The following CELF5 variants were observed in gnomAD, a reference collection of about 807,000 sequenced individuals.
CELF5 encodes the protein CUG-BP and ETR-3 like factor 5.
Under a neutral mutation model 54.9 loss-of-function variants are expected in CELF5, and 6 were observed. The observed-to-expected ratio is 0.11, with a 90% confidence interval of 0.06 to 0.22. The LOEUF is 0.22. CELF5 is among the 10% of genes least tolerant of loss of function. CELF5 has a pLI of 1.00. For synonymous variants in CELF5, 271 were observed against 290.9 expected (o/e 0.93, Z 0.70); for missense variants, 401 against 678.6 (o/e 0.59, Z 4.54).
intron 2 of CELF5, among the ~76,000 whole-genome samples, chr19:3,271,265 C>T (rs937735674): frequency 2.0e-5 from 3 of 150,408 alleles, no homozygotes; most frequent in Admixed American, 6.6e-5. Flanking sequence ...TCCCCTGGCA[C>T]CCCCCCGCTT....
Position 3,240,344 on chromosome 19 carries a change from G to A in CELF5, c.260-10641G>A, listed in dbSNP as rs1286248445. 2.1e-5 allele frequency among the ~76,000 whole-genome samples: 3 copies of A among 145,900 alleles called. No homozygotes were observed. The East Asian group carries it at 6.2e-4, about 30-fold the overall frequency. On this transcript the variant is annotated intron_variant, in intron 1 of 12. Coordinates refer to ENST00000292672, the MANE Select transcript of CELF5 (RefSeq NM_021938.4). The stretch of plus-strand genomic sequence containing the variant: ...TCTTTTTCTTTCTTTCTTTTTTTTT[G>A]AGATGGGGTCTCACTCTGTCATCCA...
intron 1 of CELF5, among the ~76,000 whole-genome samples, chr19:3,248,931 CT>C (rs1328385176): frequency 1.8e-4 from 21 of 116,258 alleles, no homozygotes; most frequent in African/African-American, 5.9e-4. Flanking sequence ...TCTTTCTTTT[CT>C]TTTCTTTTCT....
intron 1 of CELF5, among the ~76,000 whole-genome samples, chr19:3,245,676 G>C (rs1053130514): frequency 2.0e-5 from 3 of 151,986 alleles, no homozygotes; most frequent in African/African-American, 7.3e-5. Flanking sequence ...CAGGCCTTAG[G>C]GCTCGTTGTC....
At chr19:3,242,850 G>T (rs188792578) in intron 1 of CELF5, among the ~76,000 whole-genome samples, 4 of 152,200 alleles carry the variant, frequency 2.6e-5, no homozygotes, top group African/African-American at 9.6e-5. Context: ...TGTAATCCCA[G>T]CTACTCAGGA....
At chr19:3,258,760 T>TG (rs1365230376) in intron 2 of CELF5, among the ~76,000 whole-genome samples, 1 of 151,852 alleles carries the variant, frequency 6.6e-6, no homozygotes, top group Non-Finnish European at 1.5e-5. Flanking sequence ...TACAGGCACA[T>TG]GCCACCACGC....
chr19:3,231,709 T>A lies in CELF5; in HGVS notation c.259+6711T>A, dbSNP rs575312201. Among the ~76,000 whole-genome samples, 4 of 124,354 alleles carry A rather than the reference T, an allele frequency of 3.2e-5. No individual in the cohort carries two copies. The East Asian group carries it at 7.7e-4, about 24-fold the overall frequency. The allele number at this position is 124,354 out of a possible 152,430, so 81.6% of individuals were successfully genotyped here. A position where few individuals can be genotyped will look rare whatever the true frequency, so the allele number is the denominator to read the frequency against. On this transcript the variant is annotated intron_variant, in intron 1 of 12. Coordinates refer to ENST00000292672, the MANE Select transcript of CELF5 (RefSeq NM_021938.4). ...GTGGATGGATGGATGGATGGGCGGA[T>A]GAATAGATTGGTGGATGATGGGGGA... is the stretch of plus-strand genomic sequence containing the variant.
At chr19:3,286,275 C>T in intron 10 of CELF5, 1 of 462,914 alleles carries the variant, frequency 2.2e-6, no homozygotes, top group South Asian at 3.9e-5. Flanking sequence ...TCCTACCAGC[C>T]CTCTCCAGAA....
At chr19:3,255,687 A>G (rs2079714846) in intron 2 of CELF5, among the ~76,000 whole-genome samples, 1 of 152,160 alleles carries the variant, frequency 6.6e-6, no homozygotes, top group Admixed American at 6.6e-5. Flanking sequence ...TTCAACAAGC[A>G]TCTTTCCCCT....
At chr19:3,227,148 G>A (rs544304266) in intron 1 of CELF5, among the ~76,000 whole-genome samples, 2 of 152,138 alleles carry the variant, frequency 1.3e-5, no homozygotes, top group South Asian at 4.1e-4. Context: ...CCCCACCTGC[G>A]TGGGGCCTGG....
At chr19:3,232,418 A>C (rs919981710) in intron 1 of CELF5, among the ~76,000 whole-genome samples, 1 of 151,448 alleles carries the variant, frequency 6.6e-6, no homozygotes, top group Non-Finnish European at 1.5e-5. Flanking sequence ...GTGGTGTGCA[A>C]CTGTAGTCCC....
intron 2 of CELF5, among the ~76,000 whole-genome samples, chr19:3,253,108 AAAAAG>A (rs1255395203): frequency 6.6e-6 from 1 of 152,068 alleles, no homozygotes; most frequent in African/African-American, 2.4e-5. Flanking sequence ...CATTAAAAAA[AAAAAG>A]AAAGAAAGAA....
intron 1 of CELF5, among the ~76,000 whole-genome samples, chr19:3,242,796 A>C (rs528990740): frequency 2.7e-4 from 41 of 151,738 alleles, no homozygotes; most frequent in African/African-American, 9.4e-4. Context: ...ACAGAGCAAG[A>C]CTCTATCTAA....
chr19:3,282,035 C>CTAGTAA lies in CELF5; in HGVS notation c.751-91_751-90insTAGTAA. Reference sequence around the variant, plus strand: ...TGAGCCAAGATACCCAGCCTGACCTCCTCACTAGTAACTGGGGTACCAAGC... The same window carrying CTAGTAA: ...TGAGCCAAGATACCCAGCCTGACCTCTAGTAACTCACTAGTAACTGGGGTACCAAGC... On this transcript the variant is annotated intron_variant, in intron 6 of 12. Transcript: ENST00000292672. This position sits in a 1 kb window ranked among gnomAD's most constrained non-coding sequence, Gnocchi z 5.2. 1.4e-6 allele frequency: 2 copies of CTAGTAA among 1,449,202 alleles called. No individual in the cohort carries two copies. Among genetic ancestry groups the CTAGTAA allele is most frequent in the African/African-American group, 2.8e-5 (2 of 71,838 alleles). 89.8% of individuals were successfully genotyped at this position (1,449,202 alleles called of 1,614,324 possible).
chr19:3,293,647 A>G, intron 12 of CELF5, 161 bp downstream of exon 12: 1 of 614,446 alleles, frequency 1.6e-6, no homozygotes, highest in Non-Finnish European at 2.8e-6. Context: ...AGCTGGATGT[A>G]GACACCCCCG....
chr19:3,227,565 G>A (rs72985099), intron 1 of CELF5, among the ~76,000 whole-genome samples: 10,035 of 152,134 alleles, frequency 0.066, 442 homozygotes, highest in Non-Finnish European at 0.099. Flanking sequence ...AGTGGGGTGG[G>A]ATGAGAACAC....
rs2080466425 is a variant in CELF5 at position 3,297,015 on chromosome 19, A to G, written c.*298A>G. On this transcript the variant is annotated 3_prime_UTR_variant, in exon 13 of 13. Transcript: ENST00000292672. ...TTCAAAACGCCTCTCTTTGGTCTGG[A>G]GAAAAAAAAAAAAAAAAAAAAACAA... 1.4e-5 allele frequency: 1 copy of G among 73,642 alleles called. No individual in the cohort carries two copies. The highest frequency in any genetic ancestry group is 2.8e-5 in the Non-Finnish European group (1 of 36,248). The allele number at this position is 73,642 out of a possible 1,614,324, so 4.6% of individuals were successfully genotyped here.
In CELF5 at chr19:3,268,080, C is replaced by T. The variant is rs912362264; in HGVS notation, c.343-5792C>T. ...GTGATTTGATCTCAGCTCACTGCAA[C>T]CTCGGCCTCCTGGGTTCAAGCAATT... On this transcript the variant is annotated intron_variant, in intron 2 of 12. Transcript: ENST00000292672. The surrounding 1 kb of genome is among the most constrained non-coding windows in gnomAD (Gnocchi z 4.4). Among the ~76,000 whole-genome samples, 1 of 152,154 alleles carries T rather than the reference C, an allele frequency of 6.6e-6. No individual in the cohort carries two copies. Among genetic ancestry groups the T allele is most frequent in the African/African-American group, 2.4e-5 (1 of 41,426 alleles).
At chr19:3,237,109 G>C (rs8102805) in intron 1 of CELF5, among the ~76,000 whole-genome samples, 23,288 of 150,962 alleles carry the variant, frequency 0.15, 2,051 homozygotes, top group East Asian at 0.24. Flanking sequence ...TCAGGAGATC[G>C]AGACCATCCT....
chr19:3,281,945 C>T lies in CELF5; in HGVS notation c.751-181C>T, dbSNP rs1013158703. Among the ~76,000 whole-genome samples, 1 of 152,062 alleles carries T rather than the reference C, an allele frequency of 6.6e-6. No individual in the cohort carries two copies. Among genetic ancestry groups the T allele is most frequent in the East Asian group, 1.9e-4 (1 of 5,190 alleles). ...CTGATCTCAGCCTGAGCCTCACTTC[C>T]GAACCGATCTCTGCTCCCAGGCTGA... On this transcript the variant is annotated intron_variant, in intron 6 of 12. Transcript: ENST00000292672. The surrounding 1 kb of genome is among the most constrained non-coding windows in gnomAD (Gnocchi z 6.5).
Sources: allele counts gnomAD v4.1 joint callset (sites outside exome capture counted in the v4.1 genomes callset), GRCh38; gene constraint gnomAD v4.1.1; non-coding constraint Gnocchi (gnomAD v3.1); transcripts MANE v1.5; gene names NCBI Gene and HGNC (gene_info 2026-07-23, HGNC 2026-07-21).